Variants in DLGAP2 observed in about 807,000 individuals in gnomAD.
DLGAP2 encodes the protein disks large-associated protein 2.
DLGAP2 carries 26 observed loss-of-function variants against 100.3 expected under a neutral mutation model. That is an observed-to-expected ratio of 0.26 (90% CI 0.19 to 0.36). The LOEUF is 0.36. Ranked by LOEUF, DLGAP2 falls within the 10% of genes least tolerant of loss-of-function variation. The pLI is 1.00. For missense variants in DLGAP2, 1,858 were observed against 1,453.2 expected (o/e 1.28, Z -4.53); for synonymous variants, 886 against 630.1 (o/e 1.41, Z -6.08).
intron 2 of DLGAP2, among the ~76,000 whole-genome samples, chr8:1,111,626 A>T (rs559500887): frequency 3.3e-5 from 5 of 152,156 alleles, no homozygotes; most frequent in Non-Finnish European, 7.4e-5. Flanking sequence ...CTCATTATTT[A>T]GATCCCACTT....
chr8:950,063 C>T (rs372010568), intron 2 of DLGAP2, among the ~76,000 whole-genome samples: 38 of 152,288 alleles, frequency 2.5e-4, no homozygotes, highest in African/African-American at 9.1e-4. Context: ...GTCTTTAGGA[C>T]GCCTTATCTG....
intron 4 of DLGAP2, among the ~76,000 whole-genome samples, chr8:1,506,642 T>G (rs1327045043): frequency 1.3e-5 from 2 of 152,358 alleles, no homozygotes; most frequent in Non-Finnish European, 2.9e-5. Context: ...ACTGCTTTTA[T>G]TCCCTTATCT....
intron 1 of DLGAP2, among the ~76,000 whole-genome samples, chr8:762,258 T>TC (rs1821107112): frequency 7.8e-6 from 1 of 127,690 alleles, no homozygotes; most frequent in Non-Finnish European, 1.8e-5. Context: ...AGCAGTTTAC[T>TC]TTTTATGTGC....
At chr8:1,009,031 A>T (rs1801202386) in intron 2 of DLGAP2, among the ~76,000 whole-genome samples, 2 of 152,104 alleles carry the variant, frequency 1.3e-5, no homozygotes, top group South Asian at 4.1e-4. Context: ...CACCCATGGG[A>T]TTTCCCTGGC....
intron 2 of DLGAP2, among the ~76,000 whole-genome samples, chr8:1,004,553 G>A (rs923182373): frequency 3.9e-5 from 6 of 152,294 alleles, no homozygotes; most frequent in East Asian, 3.9e-4. Context: ...TTGGCCTCAC[G>A]ACTCTCTTGA....
In DLGAP2 at chr8:1,447,641, G is replaced by C. The variant is rs58509786; in HGVS notation, c.107-53725G>C. The stretch of plus-strand genomic sequence containing the variant: ...GGATTCCATCTTTTTCTATTGATTG[G>C]AATAGTTTCAGAAGGAATGTTACCA... On this transcript the variant is annotated intron_variant, in intron 3 of 14. Transcript: ENST00000637795. Among the ~76,000 whole-genome samples the C allele has an allele frequency of 6.6e-5, 10 of 152,322 alleles. No homozygotes were observed. The East Asian group carries it at 1.5e-3, about 23-fold the overall frequency.
At chr8:1,302,248 C>A (rs554966292) in intron 3 of DLGAP2, 1 of 147,864 alleles carries the variant, frequency 6.8e-6, no homozygotes, top group African/African-American at 2.6e-5. Flanking sequence ...GGACCGGACT[C>A]AGCATTTTCT....
intron 5 of DLGAP2, among the ~76,000 whole-genome samples, chr8:1,559,407 G>A (rs1218644516): frequency 6.6e-6 from 1 of 152,170 alleles, no homozygotes; most frequent in East Asian, 1.9e-4. Context: ...TGGCATTTTA[G>A]TATTGCTCTT....
intron 3 of DLGAP2, among the ~76,000 whole-genome samples, chr8:1,450,500 T>G (rs4455860): frequency 0.17 from 16,063 of 92,544 alleles, 2,417 homozygotes; most frequent in Middle Eastern, 0.24. Context: ...GTGGGCGGCC[T>G]CGGTGGCTGA....
At chr8:1,183,029 C>G (rs1396792751) in intron 2 of DLGAP2, among the ~76,000 whole-genome samples, 3 of 152,174 alleles carry the variant, frequency 2.0e-5, no homozygotes, top group African/African-American at 7.2e-5. Context: ...GTGCGGGGAA[C>G]GTGAGATTTA....
Position 1,603,641 on chromosome 8 carries a change from A to C in DLGAP2, c.1443-23099A>C, listed in dbSNP as rs369728324. The stretch of plus-strand genomic sequence containing the variant: ...GTTCTGTAGAGGCTGGTTAGAGTGG[A>C]GGCTGGGTCTTCATTCTTTTGGGTT... On this transcript the variant is annotated intron_variant, in intron 6 of 14. Transcript: ENST00000637795. Among the ~76,000 whole-genome samples the C allele has an allele frequency of 3.9e-5, 6 of 152,302 alleles. No homozygotes were observed. The East Asian group carries it at 7.7e-4, about 20-fold the overall frequency.
At chr8:863,219 A>C (rs978935489) in intron 1 of DLGAP2, among the ~76,000 whole-genome samples, 2 of 152,166 alleles carry the variant, frequency 1.3e-5, no homozygotes, top group Non-Finnish European at 1.5e-5. Flanking sequence ...GCAGGATTGG[A>C]CTGGAAATTG....
At chr8:1,618,113 G>T (rs987243307) in intron 6 of DLGAP2, among the ~76,000 whole-genome samples, 3 of 152,136 alleles carry the variant, frequency 2.0e-5, no homozygotes, top group Non-Finnish European at 2.9e-5. Flanking sequence ...GACACAGAAG[G>T]CAAACAAGAA....
intron 2 of DLGAP2, among the ~76,000 whole-genome samples, chr8:1,068,837 T>G (rs953846802): frequency 1.3e-5 from 2 of 152,048 alleles, no homozygotes; most frequent in Middle Eastern, 3.2e-3. Flanking sequence ...CAGCCCATCC[T>G]CTCCCTGAGC....
chr8:848,215 A>T (rs957989735), intron 1 of DLGAP2, among the ~76,000 whole-genome samples: 1 of 152,226 alleles, frequency 6.6e-6, no homozygotes, highest in African/African-American at 2.4e-5. Context: ...CTATATTGCT[A>T]TATGAATCAA....
chr8:1,339,989 A>G (rs189978743), intron 3 of DLGAP2, among the ~76,000 whole-genome samples: 2 of 152,346 alleles, frequency 1.3e-5, no homozygotes, highest in East Asian at 3.9e-4. Context: ...CAAATACCTT[A>G]TGTTTAGAAA....
chr8:1,610,161 G>T (rs1294474117), intron 6 of DLGAP2, among the ~76,000 whole-genome samples: 2 of 151,992 alleles, frequency 1.3e-5, no homozygotes, highest in Admixed American at 6.6e-5. Flanking sequence ...CAGCAAATGT[G>T]AAAGAACAGA....
At chr8:1,568,247 CATGG>C (rs2130584801) in intron 6 of DLGAP2, among the ~76,000 whole-genome samples, 1 of 128,496 alleles carries the variant, frequency 7.8e-6, no homozygotes. Flanking sequence ...CCACTCTGCC[CATGG>C]CCCCCGTGCC....
At chr8:1,454,796 A>G (rs1290800045) in intron 3 of DLGAP2, among the ~76,000 whole-genome samples, 1 of 152,202 alleles carries the variant, frequency 6.6e-6, no homozygotes. Flanking sequence ...TCAGTGGCCC[A>G]GAGACCCCCA....
Sources: allele counts gnomAD v4.1 joint callset (sites outside exome capture counted in the v4.1 genomes callset), GRCh38; gene constraint gnomAD v4.1.1; transcripts MANE v1.5; gene names NCBI Gene and HGNC (gene_info 2026-07-23, HGNC 2026-07-21).